The following THAP3 variants were observed in gnomAD, a reference collection of about 807,000 sequenced individuals.
THAP3 encodes THAP domain-containing protein 3.
A neutral mutation model predicts 17.7 loss-of-function variants in THAP3; 12 were observed. The observed-to-expected ratio is 0.68, with a 90% CI of 0.43 to 1.10. THAP3 has a LOEUF of 1.10. Among genes scored for constraint, THAP3 ranks in the 50% least tolerant of loss-of-function variants. The pLI is 0.00. For missense variants in THAP3, 289 were observed against 318.0 expected (o/e 0.91, Z 0.69); for synonymous variants, 133 against 126.9 (o/e 1.05, Z -0.32).
At chr1:6,633,819 AG>A (rs1405844120), downstream of THAP3, among the ~76,000 whole-genome samples, 13 of 152,056 alleles carry the variant, frequency 8.5e-5, no homozygotes, top group African/African-American at 3.1e-4. Flanking sequence ...CTGAGACAGG[AG>A]GATCAGCTGA....
intron 4 of THAP3, among the ~76,000 whole-genome samples, chr1:6,630,870 G>C (rs28460408): frequency 0.68 from 103,324 of 151,258 alleles, 35,541 homozygotes; most frequent in Middle Eastern, 0.8. Flanking sequence ...CCGCGCCTGG[G>C]CCCCCACTTT....
At chr1:6,624,981 G>A in intron 1 of THAP3, 27 bp downstream of exon 1, 1 of 541,126 alleles carries the variant, frequency 1.8e-6, no homozygotes, top group Non-Finnish European at 3.3e-6. Context: ...CCCAAGGCTA[G>A]GAGTTGGGGT....
At chr1:6,627,117 G>A (rs1641487863) in intron 2 of THAP3, among the ~76,000 whole-genome samples, 2 of 152,322 alleles carry the variant, frequency 1.3e-5, no homozygotes, top group South Asian at 4.1e-4. Context: ...TTGGCCACAG[G>A]TGTCTCTTCT....
intron 4 of THAP3, among the ~76,000 whole-genome samples, chr1:6,631,882 ATC>A (rs1241423552): frequency 6.7e-6 from 1 of 148,882 alleles, no homozygotes; most frequent in Non-Finnish European, 1.5e-5. Flanking sequence ...GTGAAACTCC[ATC>A]TCAAGAAAAA....
intron 2 of THAP3, among the ~76,000 whole-genome samples, chr1:6,627,389 A>G (rs562568040): frequency 1.2e-4 from 19 of 152,192 alleles, no homozygotes; most frequent in Non-Finnish European, 2.5e-4. Context: ...TTTTGGAGAC[A>G]GACTCTCACT....
chr1:6,625,331 C>G, intron 2 of THAP3, 39 bp downstream of exon 2: 1 of 1,502,872 alleles, frequency 6.7e-7, no homozygotes, highest in Non-Finnish European at 8.9e-7. Flanking sequence ...AGGCCCAGAC[C>G]CGGGGCCCGC....
downstream of THAP3, chr1:6,634,729 C>T: frequency 7.4e-7 from 1 of 1,359,102 alleles, no homozygotes; most frequent in Non-Finnish European, 9.8e-7. Flanking sequence ...GGAGCACAGG[C>T]CCTGGTGTTC....
At chr1:6,632,628 C>A in intron 5 of THAP3, 133 bp downstream of exon 5, 1 of 1,457,674 alleles carries the variant, frequency 6.9e-7, no homozygotes, top group Non-Finnish European at 9.4e-7. Flanking sequence ...TTCAGAGCTC[C>A]CCAGTCAAAT....
At chr1:6,625,648 G>T (rs915235405) in intron 2 of THAP3, among the ~76,000 whole-genome samples, 1 of 152,116 alleles carries the variant, frequency 6.6e-6, no homozygotes, top group Non-Finnish European at 1.5e-5. Flanking sequence ...GGGCAGTGCA[G>T]TGGAGGAGTG....
chr1:6,632,279 A>G, intron 4 of THAP3, 112 bp from the exon 5 acceptor site: 1 of 1,441,242 alleles, frequency 6.9e-7, no homozygotes, highest in Middle Eastern at 2.5e-4. Flanking sequence ...AGGGGCACAG[A>G]CCCTGGAGCT....
chr1:6,628,193 C>T (rs1430022080), intron 2 of THAP3: 1 of 341,104 alleles, frequency 2.9e-6, no homozygotes, highest in African/African-American at 2.2e-5. Context: ...CCAGGACTGT[C>T]TCATTACCCC....
chr1:6,629,588 G>A, intron 3 of THAP3: 1 of 152,854 alleles, frequency 6.5e-6, no homozygotes. Flanking sequence ...GGCCCCTGTG[G>A]CCCCTGCTGT....
In THAP3 at chr1:6,633,439, G is replaced by T. The variant is rs948873775; in HGVS notation, c.*362G>T. The T allele has an allele frequency of 1.1e-4, 130 of 1,166,800 alleles. No homozygotes were observed. Among genetic ancestry groups the T allele is most frequent in the Non-Finnish European group, 1.3e-4 (123 of 937,938 alleles). The allele number at this position is 1,166,800 out of a possible 1,614,324, so 72.3% of individuals were successfully genotyped here. On this transcript the variant is annotated 3_prime_UTR_variant, in exon 6 of 6. Coordinates refer to ENST00000054650, the MANE Select transcript of THAP3 (RefSeq NM_001195753.2). Reference sequence around the variant, plus strand: ...CTCAGGGAGGAAGCCATGTGAGGGGGCTGGCTCTGTGGCGGGTGAGTGGTC... The same window carrying T: ...CTCAGGGAGGAAGCCATGTGAGGGGTCTGGCTCTGTGGCGGGTGAGTGGTC...
chr1:6,631,031 G>C (rs1374478060), intron 4 of THAP3, among the ~76,000 whole-genome samples: 2 of 151,712 alleles, frequency 1.3e-5, no homozygotes, highest in African/African-American at 4.8e-5. Flanking sequence ...TTTGAGACAG[G>C]GTCTCACTCT....
In THAP3 at chr1:6,628,577, C is replaced by T; in HGVS notation, c.153C>T (p.His51=). The T allele has an allele frequency of 1.2e-6, 2 of 1,613,880 alleles. No individual in the cohort carries two copies. The highest frequency in any genetic ancestry group is 1.7e-6 in the Non-Finnish European group (2 of 1,180,014). The part of the protein sequence containing the change: ...IGRGNFKPKQ[H]TVICSEHFRP... ...GGGGCAACTTCAAGCCCAAGCAGCA[C>T]ACGGTCATCTGCTCCGAGCACTTCC... The change falls in exon 3 of 6, where the codon CAC becomes CAT. Residue 51 remains histidine, a synonymous_variant. Coordinates refer to ENST00000054650, the MANE Select transcript of THAP3 (RefSeq NM_001195753.2).
chr1:6,628,564 A>G lies in THAP3; in HGVS notation c.140A>G (p.Lys47Arg), dbSNP rs754913322. ...WVLNIGRGNF[K>R]PKQHTVICSE... ...CTGAACATCGGCCGGGGCAACTTCA[A>G]GCCCAAGCAGCACACGGTCATCTGC... is the stretch of plus-strand genomic sequence containing the variant. The change falls in exon 3 of 6, where the codon AAG (lysine) becomes AGG (arginine). Residue 47 changes from lysine to arginine, a missense_variant. Physicochemically the swap from Lys to Arg is conservative, Grantham distance 26 (BLOSUM62 2). Coordinates refer to ENST00000054650, the MANE Select transcript of THAP3 (RefSeq NM_001195753.2). 2 of 1,613,826 alleles carry G rather than the reference A, an allele frequency of 1.2e-6. No homozygotes were observed. The highest frequency in any genetic ancestry group is 1.3e-5 in the African/African-American group (1 of 75,040).
At chr1:6,629,916 T>C (rs181426803) in intron 3 of THAP3, among the ~76,000 whole-genome samples, 9 of 152,136 alleles carry the variant, frequency 5.9e-5, no homozygotes, top group Non-Finnish European at 1.3e-4. Flanking sequence ...CCCACCCCAG[T>C]GTGGCCCAGG....
At chr1:6,625,627 GC>G (rs1256265176) in intron 2 of THAP3, among the ~76,000 whole-genome samples, 1 of 152,150 alleles carries the variant, frequency 6.6e-6, no homozygotes, top group Non-Finnish European at 1.5e-5. Context: ...CCTGAAGGGA[GC>G]CCGGCACCTG....
At chr1:6,633,962 G>GAATT (rs1641700508), downstream of THAP3, 5 of 1,490,634 alleles carry the variant, frequency 3.4e-6, no homozygotes, top group African/African-American at 1.4e-5. Flanking sequence ...TAGCTTTAGT[G>GAATT]AATTAAAGAA....
Sources: allele counts gnomAD v4.1 joint callset (sites outside exome capture counted in the v4.1 genomes callset), GRCh38; gene constraint gnomAD v4.1.1; transcripts MANE v1.5; gene names NCBI Gene and HGNC (gene_info 2026-07-23, HGNC 2026-07-21).